The following SEMA3A variants were observed in gnomAD, a reference collection of about 807,000 sequenced individuals.
SEMA3A encodes semaphorin 3A, also known as semaphorin-3A.
Under a neutral mutation model 97.9 loss-of-function variants are expected in SEMA3A, and 29 were observed. The ratio of observed to expected loss-of-function variants is 0.30; its 90% CI spans 0.22 to 0.40. The LOEUF is 0.40. Among genes scored for constraint, SEMA3A ranks in the 10% least tolerant of loss-of-function variants. The pLI is 1.00. For missense variants in SEMA3A, 763 were observed against 951.3 expected (o/e 0.80, Z 2.60); for synonymous variants, 321 against 323.7 (o/e 0.99, Z 0.09).
chr7:84,129,223 A>G (rs769719305), intron 2 of SEMA3A, 38 bp from the exon 3 acceptor site: 9 of 1,527,396 alleles, frequency 5.9e-6, no homozygotes, highest in South Asian at 1.1e-5. Flanking sequence ...ATGTCAACTA[A>G]GTTGTCTAAG....
chr7:84,262,862 G>A (rs1011938384), intron 3 of SEMA3A, among the ~76,000 whole-genome samples: 3 of 152,158 alleles, frequency 2.0e-5, no homozygotes, highest in Non-Finnish European at 4.4e-5. Flanking sequence ...GACTAAGAAC[G>A]TGTATAGCCT....
At chr7:84,062,873 G>A (rs1479812696) in intron 4 of SEMA3A, among the ~76,000 whole-genome samples, 1 of 151,264 alleles carries the variant, frequency 6.6e-6, no homozygotes, top group African/African-American at 2.4e-5. Flanking sequence ...AACTTGATTA[G>A]GTAAACAAAG....
chr7:84,006,995 C>T (rs1471014307), intron 10 of SEMA3A, among the ~76,000 whole-genome samples: 1 of 151,852 alleles, frequency 6.6e-6, no homozygotes, highest in Non-Finnish European at 1.5e-5. Context: ...ATGTAAAAAC[C>T]TGGAAGACAC....
chr7:84,024,206 GA>G (rs1208782243), intron 6 of SEMA3A, among the ~76,000 whole-genome samples: 2 of 152,004 alleles, frequency 1.3e-5, no homozygotes, highest in Non-Finnish European at 2.9e-5. Flanking sequence ...AAAATGGGTA[GA>G]AATTAGGCTT....
At chr7:84,361,955 C>T (rs1212917622) in intron 2 of SEMA3A, among the ~76,000 whole-genome samples, 1 of 151,918 alleles carries the variant, frequency 6.6e-6, no homozygotes, top group Admixed American at 6.6e-5. Flanking sequence ...TTCTTGAAAA[C>T]AGATTATAGC....
intron 1 of SEMA3A, among the ~76,000 whole-genome samples, chr7:84,435,791 A>C (rs1445736231): frequency 6.6e-6 from 1 of 152,142 alleles, no homozygotes; most frequent in East Asian, 1.9e-4. Context: ...TCAAACTACC[A>C]ATGTCATTTT....
chr7:84,010,648 T>A (rs545005189), intron 9 of SEMA3A, among the ~76,000 whole-genome samples: 4 of 152,296 alleles, frequency 2.6e-5, no homozygotes, highest in African/African-American at 9.6e-5. Context: ...TTCAACAAAT[T>A]TTAAATTAAT....
At chr7:84,300,903 T>C (rs1800992723) in intron 3 of SEMA3A, among the ~76,000 whole-genome samples, 1 of 152,132 alleles carries the variant, frequency 6.6e-6, no homozygotes, top group Non-Finnish European at 1.5e-5. Flanking sequence ...ACCAGTCACT[T>C]AGTTCGACAC....
chr7:84,071,002 T>C (rs934674950), intron 4 of SEMA3A, among the ~76,000 whole-genome samples: 4 of 152,154 alleles, frequency 2.6e-5, no homozygotes, highest in African/African-American at 9.7e-5. Context: ...AAAGGAAATA[T>C]TGTGACATAT....
chr7:84,386,295 A>G (rs1257853147), intron 1 of SEMA3A, among the ~76,000 whole-genome samples: 1 of 152,136 alleles, frequency 6.6e-6, no homozygotes, highest in Non-Finnish European at 1.5e-5. Flanking sequence ...ATATTTGGGC[A>G]CCTCTTTGGG....
intron 2 of SEMA3A, among the ~76,000 whole-genome samples, chr7:84,339,055 T>C (rs1802100391): frequency 6.6e-6 from 1 of 152,238 alleles, no homozygotes; most frequent in African/African-American, 2.4e-5. Flanking sequence ...ATATCCCATA[T>C]ATTGCATCTG....
At chr7:84,210,183 A>G (rs924102567) in intron 3 of SEMA3A, among the ~76,000 whole-genome samples, 3 of 152,210 alleles carry the variant, frequency 2.0e-5, no homozygotes, top group Non-Finnish European at 1.5e-5. Context: ...AAGAAAATGA[A>G]TAAGATGTGA....
intron 2 of SEMA3A, among the ~76,000 whole-genome samples, chr7:84,358,348 T>C (rs1385020702): frequency 6.6e-6 from 1 of 152,198 alleles, no homozygotes; most frequent in Non-Finnish European, 1.5e-5. Context: ...GTCAGCTTTC[T>C]ACATATGGCT....
At chr7:84,337,377 T>G (rs1802063244) in intron 2 of SEMA3A, among the ~76,000 whole-genome samples, 1 of 152,122 alleles carries the variant, frequency 6.6e-6, no homozygotes, top group East Asian at 1.9e-4. Flanking sequence ...TACATATACT[T>G]CTATATTTTC....
chr7:84,466,939 G>A (rs1192649663), intron 1 of SEMA3A, among the ~76,000 whole-genome samples: 1 of 151,870 alleles, frequency 6.6e-6, no homozygotes, highest in East Asian at 1.9e-4. Flanking sequence ...TTCCTCCTCA[G>A]TCTTCTCTCT....
intron 4 of SEMA3A, among the ~76,000 whole-genome samples, chr7:84,092,127 A>C (rs1466568060): frequency 6.6e-5 from 10 of 152,138 alleles, no homozygotes; most frequent in Admixed American, 6.5e-4. Flanking sequence ...GCATTTTTTT[A>C]AATGCTCCCT....
intron 6 of SEMA3A, among the ~76,000 whole-genome samples, chr7:84,024,166 A>G (rs1449257646): frequency 6.6e-6 from 1 of 152,192 alleles, no homozygotes; most frequent in African/African-American, 2.4e-5. Context: ...CTGTACTTAT[A>G]TAAAAACTGT....
chr7:83,984,608 C>CTTTTTTTTTTTTTTTT (rs371082897), intron 13 of SEMA3A, among the ~76,000 whole-genome samples: 1 of 98,886 alleles, frequency 1.0e-5, no homozygotes, highest in East Asian at 3.5e-4. Context: ...GATTTTTCTG[C>CTTTTTTTTTTTTTTTT]TTTTTTTTTT....
At chr7:83,993,527 T>C (rs1294933239) in intron 12 of SEMA3A, among the ~76,000 whole-genome samples, 1 of 150,988 alleles carries the variant, frequency 6.6e-6, no homozygotes, top group Non-Finnish European at 1.5e-5. Context: ...ACAAAATCTC[T>C]CAGCATTTGC....
Sources: gnomAD v4.1 joint callset for allele counts (sites outside exome capture counted in the v4.1 genomes callset) on GRCh38, gnomAD v4.1.1 for gene constraint, MANE v1.5 for transcripts, NCBI Gene and HGNC (gene_info 2026-07-23, HGNC 2026-07-21) for gene names.